The following IQCN variants were observed in gnomAD, a reference collection of about 807,000 sequenced individuals.
IQCN encodes the protein IQ motif containing N.
A neutral mutation model predicts 64.4 loss-of-function variants in IQCN; 46 were observed. That is an observed-to-expected ratio of 0.71 (90% CI 0.56 to 0.91). IQCN has a LOEUF of 0.91. Among genes scored for constraint, IQCN ranks in the 40% least tolerant of loss-of-function variants. IQCN has a pLI of 0.00. For missense variants in IQCN, 1,753 were observed against 1,857.4 expected (o/e 0.94, Z 1.03); for synonymous variants, 733 against 775.6 (o/e 0.95, Z 0.91).
chr19:18,258,772 G>T, intron 3 of IQCN: 1 of 244,302 alleles, frequency 4.1e-6, no homozygotes, highest in Non-Finnish European at 8.2e-6. Context: ...GAGTGATTTG[G>T]GGGTATGACG....
chr19:18,268,887 G>A (rs1050205954), intron 2 of IQCN, among the ~76,000 whole-genome samples: 11 of 150,694 alleles, frequency 7.3e-5, no homozygotes, highest in Admixed American at 1.3e-4. Context: ...GTTTGAACCC[G>A]GTAGGCAGAG....
At chr19:18,270,607 TACG>T (rs749006262) in intron 1 of IQCN, among the ~76,000 whole-genome samples, 2 of 152,006 alleles carry the variant, frequency 1.3e-5, no homozygotes, top group African/African-American at 2.4e-5. Flanking sequence ...TGCAGTAAGC[TACG>T]ATGGCACCAC....
Position 18,265,753 on chromosome 19 carries a change from G to A in IQCN, c.1787C>T (p.Ala596Val), listed in dbSNP as rs565750509. 4.0e-5 allele frequency: 65 copies of A among 1,614,188 alleles called. 2 individuals carry two copies. In the South Asian group the frequency reaches 6.9e-4, roughly 17 times the overall value. Residue 596 changes from alanine to valine, a missense_variant, in exon 3 of 4, where the codon GCA becomes GTA. By Grantham distance (64) the Ala-to-Val change is moderately conservative. Coordinates refer to ENST00000392413, the MANE Select transcript of IQCN (RefSeq NM_001145304.2). This position sits in a 1 kb window ranked among gnomAD's most constrained non-coding sequence, Gnocchi z 4.7. ...CTCGGCTTCCAAAGGAAGCTCAGCT[G>A]CAGCCCTGGGGACCCCAGTTCCCGG... is the stretch of plus-strand genomic sequence containing the variant. ...PHPGTGVPRA[A>V]AELPLEAEKI...
rs745491626 is a variant in IQCN, at chr19:18,265,601, C to T, written c.1939G>A (p.Val647Met). ...VAEEGDKPPHVYVPVDMAVTL... is the reference protein window; with the variant it reads ...VAEEGDKPPHMYVPVDMAVTL... ...ACAGCCATGTCTACAGGCACATACA[C>T]GTGAGGTGGCTTGTCCCCTTCCTCA... is the stretch of plus-strand genomic sequence containing the variant. Residue 647 changes from valine (V) to methionine (M), a missense_variant, in exon 3 of 4, where the codon GTG becomes ATG. By Grantham distance (21) the Val-to-Met change is conservative. Transcript: ENST00000392413. The surrounding 1 kb of genome is among the most constrained non-coding windows in gnomAD (Gnocchi z 4.7). The T allele has an allele frequency of 3.7e-6, 6 of 1,613,694 alleles. No homozygotes were observed. Among genetic ancestry groups the T allele is most frequent in the Non-Finnish European group, 5.1e-6 (6 of 1,179,900 alleles).
Position 18,258,276 on chromosome 19 carries a change from G to A in IQCN, c.3178-170C>T, listed in dbSNP as rs562219664. The A allele has an allele frequency of 1.7e-5, 13 of 757,848 alleles. No individual in the cohort carries two copies. The Admixed American group carries it at 2.6e-4, about 15-fold the overall frequency. 46.9% of individuals were successfully genotyped at this position (757,848 alleles called of 1,614,324 possible). Reference sequence around the variant, plus strand: ...CCTCCGAACTCCCGGGGCCAGCGGAGGAATGACCGAGGAGTGTGTCATCTC... The same window carrying A: ...CCTCCGAACTCCCGGGGCCAGCGGAAGAATGACCGAGGAGTGTGTCATCTC... On this transcript the variant is annotated intron_variant, in intron 3 of 3. Coordinates refer to ENST00000392413, the MANE Select transcript of IQCN (RefSeq NM_001145304.2).
At position 18,265,911 on chromosome 19, in the gene IQCN, G is replaced by C. The variant is rs771503713; in HGVS notation, c.1629C>G (p.Thr543=). The change falls in exon 3 of 4, where the codon ACC becomes ACG. Residue 543 remains threonine, a synonymous_variant. Transcript: ENST00000392413. This position sits in a 1 kb window ranked among gnomAD's most constrained non-coding sequence, Gnocchi z 4.7. ...QVAVAAGTPN[T]SGSIHENPPK... is the part of the protein sequence containing the mutation. ...GTGGGTTCTCATGGATGGAGCCTGA[G>C]GTGTTGGGAGTTCCGGCTGCTACCG... 3.7e-6 allele frequency: 6 copies of C among 1,614,242 alleles called. No homozygotes were observed. In the South Asian group the frequency reaches 5.5e-5, roughly 15 times the overall value.
At chr19:18,270,126 G>A (rs1174137360) in intron 1 of IQCN, among the ~76,000 whole-genome samples, 1 of 150,842 alleles carries the variant, frequency 6.6e-6, no homozygotes, top group South Asian at 2.1e-4. Context: ...CTGGGAGGCC[G>A]AGGAGGGTGG....
Position 18,264,711 on chromosome 19 carries a change from C to G in IQCN, c.2829G>C (p.Trp943Cys). The G allele has an allele frequency of 6.4e-7, 1 of 1,551,178 alleles. No homozygotes were observed. Among genetic ancestry groups the G allele is most frequent in the Non-Finnish European group, 8.7e-7 (1 of 1,146,978 alleles). Residue 943 changes from tryptophan to cysteine, a missense_variant, in exon 3 of 4, where the codon TGG (tryptophan) becomes TGC (cysteine). By Grantham distance (215) the Trp-to-Cys change is radical. Coordinates refer to ENST00000392413, the MANE Select transcript of IQCN (RefSeq NM_001145304.2). The surrounding 1 kb of genome is among the most constrained non-coding windows in gnomAD (Gnocchi z 4.3). ...GGGACAGGGTCAGGCGCAGCTCACT[C>G]CAGGACAGCGCCTTCACCAGCGCCA... is the stretch of plus-strand genomic sequence containing the variant. ...LSMALVKALS[W>C]SELRLTLSRA...
At position 18,257,449 on chromosome 19, in the gene IQCN, C is replaced by T. The variant is rs947889138; in HGVS notation, c.3835G>A (p.Gly1279Arg). The change falls in exon 4 of 4, where the codon GGG becomes AGG. Residue 1279 changes from glycine to arginine, a missense_variant. Gly to Arg is a moderately radical substitution (Grantham distance 125). Transcript: ENST00000392413. Reference sequence around the variant, plus strand: ...TAGGCGGAGGCCCAAGACACTGCCCCGGGGCCCTCAGTGCCCTGGCCCATG... The same window carrying T: ...TAGGCGGAGGCCCAAGACACTGCCCTGGGGCCCTCAGTGCCCTGGCCCATG... ...QGMGQGTEGP[G>R]AVSWASAYQL... 2.1e-5 allele frequency: 34 copies of T among 1,608,344 alleles called. No individual in the cohort carries two copies. Among genetic ancestry groups the T allele is most frequent in the South Asian group, 4.4e-5 (4 of 90,768 alleles).
rs375802609 is a variant in IQCN at position 18,257,896 on chromosome 19, G to A, written c.3388C>T (p.Arg1130Cys). The A allele has an allele frequency of 3.4e-5, 55 of 1,612,540 alleles. No homozygotes were observed. The highest frequency in any genetic ancestry group is 1.1e-4 in the East Asian group (5 of 44,886). The change falls in exon 4 of 4, where the codon CGT (arginine) becomes TGT (cysteine). Residue 1130 changes from arginine (R) to cysteine (C), a missense_variant. Coordinates refer to ENST00000392413, the MANE Select transcript of IQCN (RefSeq NM_001145304.2). Reference protein sequence around the residue: ...IQAGVRGYLARRRIRLWHRGA... With the variant: ...IQAGVRGYLACRRIRLWHRGA... ...CGGTGCCACAGCCGGATCCTGCGACGCGCCAGGTAGCCACGGACGCCCGCC... is the reference window on the plus strand; with the variant it reads ...CGGTGCCACAGCCGGATCCTGCGACACGCCAGGTAGCCACGGACGCCCGCC...
In IQCN at chr19:18,266,916, G is replaced by A. The variant is rs901290239; in HGVS notation, c.624C>T (p.Ser208=). 1 of 1,606,824 alleles carries A rather than the reference G, an allele frequency of 6.2e-7. No homozygotes were observed. The highest frequency in any genetic ancestry group is 1.3e-5 in the African/African-American group (1 of 74,740). ...GAGCTGCTGGGGGCTGCAGGAGGGG[G>A]GACGACTGGGGTCTGCAGAGGACCA... ...DNLVLCRPQS[S]PLLQPPAAQG... The change falls in exon 3 of 4, where the codon TCC becomes TCT. Residue 208 remains serine, a synonymous_variant. Coordinates refer to ENST00000392413, the MANE Select transcript of IQCN (RefSeq NM_001145304.2). This position sits in a 1 kb window ranked among gnomAD's most constrained non-coding sequence, Gnocchi z 4.3.
At chr19:18,263,155 GA>G (rs1309295427) in intron 3 of IQCN, among the ~76,000 whole-genome samples, 1 of 152,184 alleles carries the variant, frequency 6.6e-6, no homozygotes, top group Non-Finnish European at 1.5e-5. Context: ...GACTCCGGAG[GA>G]AAAACAGACT....
At chr19:18,259,999 CCT>C (rs1969390730) in intron 3 of IQCN, 2 of 152,528 alleles carry the variant, frequency 1.3e-5, no homozygotes, top group African/African-American at 4.8e-5. Context: ...GATGTGGTCC[CCT>C]GAGACCCACT....
In IQCN at chr19:18,268,961, CAAAAAA is replaced by C. The variant is rs35086395; in HGVS notation, c.13+499_13+504del. On this transcript the variant is annotated intron_variant, in intron 2 of 3. Coordinates refer to ENST00000392413, the MANE Select transcript of IQCN (RefSeq NM_001145304.2). ...TGGGTGACAGAGCAAGACTCTGTCT[CAAAAAA>C]AAAAAAAAAAAAAAGAGCCAGGTAT... Among the ~76,000 whole-genome samples, 7 of 54,438 alleles carry C rather than the reference CAAAAAA, an allele frequency of 1.3e-4. No homozygotes were observed. The East Asian group carries it at 4.4e-3, about 34-fold the overall frequency. The allele number at this position is 54,438 out of a possible 152,430, so 35.7% of individuals were successfully genotyped here.
Position 18,257,557 on chromosome 19 carries a change from G to A in IQCN, c.3727C>T (p.Pro1243Ser). 1.9e-6 allele frequency: 3 copies of A among 1,612,522 alleles called. No homozygotes were observed. The highest frequency in any genetic ancestry group is 2.2e-5 in the East Asian group (1 of 44,880). The change falls in exon 4 of 4, where the codon CCC (proline) becomes TCC (serine). Residue 1243 changes from proline (P) to serine (S), a missense_variant. By Grantham distance (74) the Pro-to-Ser change is moderately conservative. Transcript: ENST00000392413. The stretch of plus-strand genomic sequence containing the variant: ...GAGCCCACTAGCATCACCACGCTGG[G>A]CGGGCTCCCGATCCTGGAGCTCAGG... ...HSLSSRIGSP[P>S]SVVMLVGSSP...
In IQCN at chr19:18,257,641, C is replaced by T. The variant is rs375582637; in HGVS notation, c.3643G>A (p.Val1215Ile). The T allele has an allele frequency of 1.5e-4, 243 of 1,611,136 alleles. No individual in the cohort carries two copies. Among genetic ancestry groups the T allele is most frequent in the Admixed American group, 4.0e-4 (24 of 59,900 alleles). Residue 1215 changes from valine to isoleucine, a missense_variant, in exon 4 of 4, where the codon GTA becomes ATA. By Grantham distance (29) the Val-to-Ile change is conservative. Transcript: ENST00000392413. ...SWFQDGRART[V>I]SDHRCFQSCQ... The stretch of plus-strand genomic sequence containing the variant: ...GACTGGAAGCAGCGATGGTCAGATA[C>T]TGTCCTGGCTCTGCCATCCTGGAAC...
chr19:18,270,721 C>T (rs1317339871), intron 1 of IQCN, among the ~76,000 whole-genome samples: 1 of 151,638 alleles, frequency 6.6e-6, no homozygotes. Context: ...GTCACAATCT[C>T]GGCTCACTGC....
At chr19:18,270,610 G>A (rs1219270520) in intron 1 of IQCN, among the ~76,000 whole-genome samples, 4 of 152,026 alleles carry the variant, frequency 2.6e-5, no homozygotes, top group Non-Finnish European at 2.9e-5. Context: ...AGTAAGCTAC[G>A]ATGGCACCAC....
At chr19:18,263,738 T>A (rs1357252328) in intron 3 of IQCN, among the ~76,000 whole-genome samples, 1 of 150,996 alleles carries the variant, frequency 6.6e-6, no homozygotes, top group African/African-American at 2.5e-5. Flanking sequence ...GATGTACCCC[T>A]GAGGACTGAC....
Sources: allele counts gnomAD v4.1 joint callset (sites outside exome capture counted in the v4.1 genomes callset), GRCh38; gene constraint gnomAD v4.1.1; non-coding constraint Gnocchi (gnomAD v3.1); transcripts MANE v1.5; gene names NCBI Gene and HGNC (gene_info 2026-07-23, HGNC 2026-07-21).